CSPG4: variants seen among roughly 807,000 people sequenced by gnomAD.
CSPG4 encodes chondroitin sulfate proteoglycan 4 (melanoma-associated).
In CSPG4, 74 loss-of-function variants were observed where a neutral mutation model predicts 139.3. The observed-to-expected ratio is 0.53, with a 90% CI of 0.44 to 0.64. CSPG4 has a LOEUF of 0.64. CSPG4 is among the 30% of genes least tolerant of loss of function. The probability of loss-of-function intolerance (pLI) is 0.00; values close to 1 mark genes in which losing one functional copy is unlikely to be tolerated. For missense variants in CSPG4, 2,565 were observed against 3,148.3 expected (o/e 0.81, Z 4.43); for synonymous variants, 1,234 against 1,394.2 (o/e 0.89, Z 2.56).
Position 75,675,193 on chromosome 15 carries a change from TC to T in CSPG4, c.*356del, listed in dbSNP as rs1230982919. ...CTCCTTGCCCTCTTAGCAGCCTGGGTCAGGCGCGACTTACCCAAGGTCACAG... is the reference window on the plus strand; with the variant it reads ...CTCCTTGCCCTCTTAGCAGCCTGGGTAGGCGCGACTTACCCAAGGTCACAG... On this transcript the variant is annotated 3_prime_UTR_variant, in exon 10 of 10. Coordinates refer to ENST00000308508, the MANE Select transcript of CSPG4 (RefSeq NM_001897.5). 1 of 295,400 alleles carries T rather than the reference TC, an allele frequency of 3.4e-6. No individual in the cohort carries two copies. The highest frequency in any genetic ancestry group is 6.2e-6 in the Non-Finnish European group (1 of 160,894). 18.3% of individuals were successfully genotyped at this position (295,400 alleles called of 1,614,324 possible).
At position 75,682,408 on chromosome 15, in the gene CSPG4, C is replaced by A; in HGVS notation, c.4835G>T (p.Gly1612Val). The change falls in exon 8 of 10, where the codon GGC (glycine) becomes GTC (valine). Residue 1612 changes from glycine (G) to valine (V), a missense_variant. By Grantham distance (109) the Gly-to-Val change is moderately radical (BLOSUM62 -3). Around this residue, in one of 5 missense-constraint regions of CSPG4, gnomAD observed 2,316 missense variants for 2,818.2 expected, o/e 0.82. Coordinates refer to ENST00000308508, the MANE Select transcript of CSPG4 (RefSeq NM_001897.5). ...SQTLRASSSA[G>V]TDPQLLLYRV... Reference sequence around the variant, plus strand: ...GTAGAGCAGGAGCTGGGGGTCAGTGCCTGCGCTGGAGCTGGCCCTGAGGGT... The same window carrying A: ...GTAGAGCAGGAGCTGGGGGTCAGTGACTGCGCTGGAGCTGGCCCTGAGGGT... The A allele has an allele frequency of 6.3e-7, 1 of 1,595,158 alleles. No homozygotes were observed. Among genetic ancestry groups the A allele is most frequent in the Non-Finnish European group, 8.5e-7 (1 of 1,178,744 alleles).
At chr15:75,713,142 T>G (rs745950942), upstream of CSPG4, among the ~76,000 whole-genome samples, 1 of 152,234 alleles carries the variant, frequency 6.6e-6, no homozygotes, top group Non-Finnish European at 1.5e-5. Context: ...AGGCATGAAC[T>G]GTCCCAGCCC....
Position 75,685,453 on chromosome 15 carries a change from G to A in CSPG4, c.4038C>T (p.Gly1346=), listed in dbSNP as rs746927373. 8 of 1,612,278 alleles carry A rather than the reference G, an allele frequency of 5.0e-6. No homozygotes were observed. In the Admixed American group the frequency reaches 6.7e-5, roughly 13 times the overall value. ...VASGLGAPLE[G]VLVELEVLPA... is the part of the protein sequence containing the mutation. ...GCAGCACCTCCAGCTCCACAAGGAC[G>A]CCCTCGAGGGGAGCACCCAGGCCTG... Residue 1346 remains glycine, a synonymous_variant, in exon 4 of 10, where the codon GGC becomes GGT. Transcript: ENST00000308508.
rs1459244309 is a variant in CSPG4 at position 75,701,547 on chromosome 15, C to A, written c.89-8314G>T. ...TCCTGGAATAGGTTCCTGCCTAGCACCCCCACCTGCCAACTGCCTGGAAGC... is the reference window on the plus strand; with the variant it reads ...TCCTGGAATAGGTTCCTGCCTAGCAACCCCACCTGCCAACTGCCTGGAAGC... On this transcript the variant is annotated intron_variant, in intron 1 of 9. Coordinates refer to ENST00000308508, the MANE Select transcript of CSPG4 (RefSeq NM_001897.5). Among the ~76,000 whole-genome samples the A allele has an allele frequency of 7.9e-5, 12 of 152,242 alleles. No homozygotes were observed. The South Asian group carries it at 8.3e-4, about 11-fold the overall frequency.
At chr15:75,701,463 A>T (rs1894300201) in intron 1 of CSPG4, among the ~76,000 whole-genome samples, 1 of 152,108 alleles carries the variant, frequency 6.6e-6, no homozygotes, top group African/African-American at 2.4e-5. Flanking sequence ...GCTCTGGGCT[A>T]CCCAGGCCCA....
intron 1 of CSPG4, among the ~76,000 whole-genome samples, chr15:75,694,231 T>C (rs933515032): frequency 1.3e-5 from 2 of 152,256 alleles, no homozygotes; most frequent in Non-Finnish European, 2.9e-5. Flanking sequence ...GTGGTTCCTA[T>C]GCAGGGCCCG....
Position 75,675,406 on chromosome 15 carries a change from T to A in CSPG4, c.*144A>T. On this transcript the variant is annotated 3_prime_UTR_variant, in exon 10 of 10. Transcript: ENST00000308508. ...ACTCTGTCCCGGACCCCTGGGACTA[T>A]CTCCCAGGACCCTCCACCCCTGGTG... 1.1e-6 allele frequency: 1 copy of A among 870,086 alleles called. No individual in the cohort carries two copies. Among genetic ancestry groups the A allele is most frequent in the Non-Finnish European group, 1.5e-6 (1 of 645,714 alleles). The allele number at this position is 870,086 out of a possible 1,614,324, so 53.9% of individuals were successfully genotyped here. A position where few individuals can be genotyped will look rare whatever the true frequency, so the allele number is the denominator to read the frequency against.
rs747917575 is a variant in CSPG4, at chr15:75,677,767, A to C, written c.5070T>G (p.Leu1690=). The change falls in exon 9 of 10, where the codon CTT becomes CTG. Residue 1690 remains leucine, a synonymous_variant. Coordinates refer to ENST00000308508, the MANE Select transcript of CSPG4 (RefSeq NM_001897.5). ...CAGCCTCAAAAGACACAGCCACAGC[A>C]AGGGTGGCGGCCACGTCCCGGGCAG... ...SPPARDVAAT[L]AVAVSFEAAC... 1.2e-6 allele frequency: 2 copies of C among 1,611,380 alleles called. No homozygotes were observed. The highest frequency in any genetic ancestry group is 1.1e-5 in the South Asian group (1 of 90,870).
At position 75,689,636 on chromosome 15, in the gene CSPG4, G is replaced by A. The variant is rs189851726; in HGVS notation, c.1429C>T (p.Arg477Cys). 37 of 1,612,878 alleles carry A rather than the reference G, an allele frequency of 2.3e-5. No homozygotes were observed. Among genetic ancestry groups the A allele is most frequent in the Admixed American group, 1.3e-4 (8 of 60,018 alleles). ...QVLFSVTRGA[R>C]HGELELDIPG... ...ATGTCCAGCTCGAGCTCGCCATGGC[G>A]TGCCCCTCGGGTCACGCTGAACAGC... The change falls in exon 3 of 10, where the codon CGC becomes TGC. Residue 477 changes from arginine to cysteine, a missense_variant. By Grantham distance (180) the Arg-to-Cys change is radical. Coordinates refer to ENST00000308508, the MANE Select transcript of CSPG4 (RefSeq NM_001897.5).
rs187489174 is a variant in CSPG4 at position 75,692,051 on chromosome 15, G to A, written c.252+1019C>T. 3.8e-4 allele frequency among the ~76,000 whole-genome samples: 58 copies of A among 152,226 alleles called. 2 individuals carry two copies. Among genetic ancestry groups the A allele is most frequent in the African/African-American group, 1.2e-3 (50 of 41,526 alleles). On this transcript the variant is annotated intron_variant, in intron 2 of 9. Transcript: ENST00000308508. Reference sequence around the variant, plus strand: ...GGCTGAAGTGCAATGGTGCGGTCTCGGCTCACTGCAACCTCCTTCTCCTGG... The same window carrying A: ...GGCTGAAGTGCAATGGTGCGGTCTCAGCTCACTGCAACCTCCTTCTCCTGG...
At chr15:75,692,839 GC>G (rs1478146695) in intron 2 of CSPG4, among the ~76,000 whole-genome samples, 8 of 152,232 alleles carry the variant, frequency 5.3e-5, no homozygotes, top group Admixed American at 1.3e-4. Flanking sequence ...AGCACAAAGG[GC>G]CAGCGAGGGG....
Position 75,693,248 on chromosome 15 carries a change from G to A in CSPG4, c.89-15C>T. On this transcript the variant is annotated splice_polypyrimidine_tract_variant and intron_variant, in intron 1 of 9. Transcript: ENST00000308508. ...GAAGAAGGAAGCTGTGTGAGAGAGG[G>A]AGCTGTGGTCAAGGCTCAGACTCTT... is the stretch of plus-strand genomic sequence containing the variant. The A allele has an allele frequency of 1.9e-6, 3 of 1,561,814 alleles. No homozygotes were observed. The highest frequency in any genetic ancestry group is 2.6e-6 in the Non-Finnish European group (3 of 1,154,070).
chr15:75,696,407 C>T lies in CSPG4; in HGVS notation c.89-3174G>A, dbSNP rs1050378039. On this transcript the variant is annotated intron_variant, in intron 1 of 9. Transcript: ENST00000308508. This position sits in a 1 kb window ranked among gnomAD's most constrained non-coding sequence, Gnocchi z 4.2. ...TCTCTCTGGAAGGCGCGTCAGTGGG[C>T]GTCCAGGGCTGTATATTAATAGATG... Among the ~76,000 whole-genome samples, 19 of 151,988 alleles carry T rather than the reference C, an allele frequency of 1.3e-4. No individual in the cohort carries two copies. The highest frequency in any genetic ancestry group is 4.8e-5 in the African/African-American group (2 of 41,368).
At chr15:75,713,357 C>T (rs1894477522), upstream of CSPG4, among the ~76,000 whole-genome samples, 1 of 152,212 alleles carries the variant, frequency 6.6e-6, no homozygotes, top group South Asian at 2.1e-4. Flanking sequence ...CAACAGTGAC[C>T]TTCTCTGCCT....
At chr15:75,712,858 C>T (rs1894466515), upstream of CSPG4, 1 of 986,732 alleles carries the variant, frequency 1.0e-6, no homozygotes, top group Non-Finnish European at 1.4e-6. Context: ...CGGGCCGGCT[C>T]CGGGTGTCCG....
Position 75,693,139 on chromosome 15 carries a change from T to G in CSPG4, c.183A>C (p.Glu61Asp), listed in dbSNP as rs747350764. 1 of 1,593,782 alleles carries G rather than the reference T, an allele frequency of 6.3e-7. No homozygotes were observed. The highest frequency in any genetic ancestry group is 1.3e-5 in the African/African-American group (1 of 74,694). Reference sequence around the variant, plus strand: ...GGCCTGCTGCCAGGAGAAGGAGGGCTTCGGGCTGGGACGTGGAGAACTGCA... The same window carrying G: ...GGCCTGCTGCCAGGAGAAGGAGGGCGTCGGGCTGGGACGTGGAGAACTGCA... ...LQLQFSTSQPEALLLLAAGPA... is the reference protein window; with the variant it reads ...LQLQFSTSQPDALLLLAAGPA... The change falls in exon 2 of 10, where the codon GAA (glutamate) becomes GAC (aspartate). Residue 61 changes from glutamate (E) to aspartate (D), a missense_variant. Glu to Asp is a conservative substitution (Grantham distance 45). This residue lies in a region of CSPG4 where 30 missense variants were observed against 60.1 expected (regional missense o/e 0.50). Transcript: ENST00000308508.
At position 75,676,259 on chromosome 15, in the gene CSPG4, T is replaced by A. The variant is rs778172083; in HGVS notation, c.6260A>T (p.Glu2087Val). The change falls in exon 10 of 10, where the codon GAG becomes GTG. Residue 2087 changes from glutamate to valine, a missense_variant. Glu to Val is a moderately radical substitution (Grantham distance 121, BLOSUM62 -2). Transcript: ENST00000308508. ...GACCACGCGGCCATGCCGGGGTCCC[T>A]CCAGGAGGCGGAAGCGCGGCACACT... ...TGSVPRFRLL[E>V]GPRHGRVVRV... is the part of the protein sequence containing the mutation. 18 of 1,568,432 alleles carry A rather than the reference T, an allele frequency of 1.1e-5. No homozygotes were observed. The highest frequency in any genetic ancestry group is 1.5e-5 in the Non-Finnish European group (17 of 1,162,998).
chr15:75,706,988 G>C (rs1200109458), intron 1 of CSPG4, among the ~76,000 whole-genome samples: 2 of 142,602 alleles, frequency 1.4e-5, no homozygotes, highest in African/African-American at 5.3e-5. Context: ...AACCCTCACT[G>C]ACTCTGTCAC....
chr15:75,707,529 A>G (rs1014266703), intron 1 of CSPG4, among the ~76,000 whole-genome samples: 1 of 152,226 alleles, frequency 6.6e-6, no homozygotes, highest in Non-Finnish European at 1.5e-5. Context: ...GGCAGTGGGC[A>G]GGAGTGGGAA....
Sources: allele counts gnomAD v4.1 joint callset (sites outside exome capture counted in the v4.1 genomes callset), GRCh38; gene constraint gnomAD v4.1.1; regional missense constraint gnomAD v4.1.1; non-coding constraint Gnocchi (gnomAD v3.1); transcripts MANE v1.5; gene names NCBI Gene and HGNC (gene_info 2026-07-23, HGNC 2026-07-21).